MIOS: variants seen among roughly 807,000 people sequenced by gnomAD.
The protein encoded by MIOS is meiosis regulator for oocyte development, also known as GATOR2 complex protein MIOS.
In MIOS, 52 loss-of-function variants were observed where a neutral mutation model predicts 96.9. The ratio of observed to expected loss-of-function variants is 0.54; its 90% CI spans 0.43 to 0.68. The LOEUF (loss-of-function observed/expected upper bound fraction) is 0.68, where lower values mean the gene tolerates loss of function less well. Among genes scored for constraint, MIOS ranks in the 30% least tolerant of loss-of-function variants. The pLI, the probability that MIOS is intolerant of heterozygous loss-of-function variation, is 0.00. For synonymous variants in MIOS, 397 were observed against 359.5 expected (o/e 1.10, Z -1.18); for missense variants, 1,005 against 1,052.8 (o/e 0.95, Z 0.63).
At chr7:7,583,024 A>G (rs1783778856) in intron 5 of MIOS, 94 bp from the exon 6 acceptor site, 1 of 1,300,342 alleles carries the variant, frequency 7.7e-7, no homozygotes, top group Non-Finnish European at 1.0e-6. Context: ...GAAGTTAAAT[A>G]TTCTAAATGT....
intron 11 of MIOS, among the ~76,000 whole-genome samples, chr7:7,599,863 C>T (rs1175690923): frequency 6.6e-6 from 1 of 152,092 alleles, no homozygotes; most frequent in African/African-American, 2.4e-5. Flanking sequence ...TACTATGCAG[C>T]CATGTCTTTT....
intron 11 of MIOS, among the ~76,000 whole-genome samples, chr7:7,597,667 T>TAC (rs1044241982): frequency 4.7e-5 from 7 of 149,796 alleles, no homozygotes; most frequent in South Asian, 2.1e-4. Context: ...TATATACATA[T>TAC]ACACACACAC....
Position 7,578,291 on chromosome 7 carries a change from T to C in MIOS, c.1393+4095T>C, listed in dbSNP as rs941272055. Among the ~76,000 whole-genome samples the C allele has an allele frequency of 5.3e-5, 8 of 152,318 alleles. No homozygotes were observed. The East Asian group carries it at 1.5e-3, about 29-fold the overall frequency. ...CCTGTATAGCAAGTTCACAGTGTTATTAGTAGGTATAATTCCTTCCTTTTA... is the reference window on the plus strand; with the variant it reads ...CCTGTATAGCAAGTTCACAGTGTTACTAGTAGGTATAATTCCTTCCTTTTA... On this transcript the variant is annotated intron_variant, in intron 5 of 12. Transcript: ENST00000340080.
At position 7,572,573 on chromosome 7, in the gene MIOS, C is replaced by G; in HGVS notation, c.98C>G (p.Thr33Ser). 6.2e-7 allele frequency: 1 copy of G among 1,614,042 alleles called. No individual in the cohort carries two copies. The highest frequency in any genetic ancestry group is 8.5e-7 in the Non-Finnish European group (1 of 1,179,952). ...SELSLYHVESTVNSELKAGSL... is the reference protein window; with the variant it reads ...SELSLYHVESSVNSELKAGSL... Reference sequence around the variant, plus strand: ...CTAAGTCTTTATCATGTGGAATCTACTGTGAATTCAGAACTCAAAGCTGGA... The same window carrying G: ...CTAAGTCTTTATCATGTGGAATCTAGTGTGAATTCAGAACTCAAAGCTGGA... Residue 33 changes from threonine (T) to serine (S), a missense_variant, in exon 4 of 13, where the codon ACT (threonine) becomes AGT (serine). Physicochemically the swap from Thr to Ser is moderately conservative, Grantham distance 58 (BLOSUM62 1). Coordinates refer to ENST00000340080, the MANE Select transcript of MIOS (RefSeq NM_019005.4). This position sits in a 1 kb window ranked among gnomAD's most constrained non-coding sequence, Gnocchi z 4.8.
chr7:7,592,939 T>TTCAC (rs752758874), intron 9 of MIOS, among the ~76,000 whole-genome samples: 15 of 152,236 alleles, frequency 9.9e-5, no homozygotes, highest in Non-Finnish European at 1.3e-4. Flanking sequence ...TCCTTATCTC[T>TTCAC]TCACTAATCA....
intron 3 of MIOS, among the ~76,000 whole-genome samples, chr7:7,571,078 G>A (rs563670240): frequency 1.3e-5 from 2 of 152,316 alleles, no homozygotes; most frequent in East Asian, 3.9e-4. Flanking sequence ...ATGGCACTAA[G>A]GATAGAGAGG....
At position 7,573,786 on chromosome 7, in the gene MIOS, G is replaced by C. The variant is rs773856632; in HGVS notation, c.1294+17G>C. ...CTCTGCACTATATCCTTTTCATTGTGAATTTTGTGAGGTGAATCAGGTAGA... is the reference window on the plus strand; with the variant it reads ...CTCTGCACTATATCCTTTTCATTGTCAATTTTGTGAGGTGAATCAGGTAGA... On this transcript the variant is annotated intron_variant, in intron 4 of 12. Coordinates refer to ENST00000340080, the MANE Select transcript of MIOS (RefSeq NM_019005.4). This position sits in a 1 kb window ranked among gnomAD's most constrained non-coding sequence, Gnocchi z 5.0. 4 of 1,545,312 alleles carry C rather than the reference G, an allele frequency of 2.6e-6. No individual in the cohort carries two copies. Among genetic ancestry groups the C allele is most frequent in the African/African-American group, 2.8e-5 (2 of 72,330 alleles).
chr7:7,595,663 T>G (rs1481882369), intron 10 of MIOS, among the ~76,000 whole-genome samples: 1 of 152,210 alleles, frequency 6.6e-6, no homozygotes, highest in African/African-American at 2.4e-5. Flanking sequence ...TGCTATTTTC[T>G]TATTTTAGGA....
intron 5 of MIOS, among the ~76,000 whole-genome samples, chr7:7,582,398 T>A (rs1192334077): frequency 1.3e-5 from 2 of 152,184 alleles, no homozygotes; most frequent in Admixed American, 1.3e-4. Flanking sequence ...TGGCACTAAG[T>A]ATCATCCTAA....
In MIOS at chr7:7,575,818, A is replaced by T. The variant is rs1246850539; in HGVS notation, c.1393+1622A>T. On this transcript the variant is annotated intron_variant, in intron 5 of 12. Coordinates refer to ENST00000340080, the MANE Select transcript of MIOS (RefSeq NM_019005.4). ...GTCAAAATAGTCTCTACCCAGACTA[A>T]AGAAACACTACTGTTGGAAAGATTT... Among the ~76,000 whole-genome samples, 3 of 152,094 alleles carry T rather than the reference A, an allele frequency of 2.0e-5. No homozygotes were observed. The East Asian group carries it at 5.8e-4, about 29-fold the overall frequency.
In MIOS at chr7:7,583,339, CA is replaced by C; in HGVS notation, c.1618del (p.Ile540SerfsTer2). 6.2e-7 allele frequency: 1 copy of C among 1,611,464 alleles called. No homozygotes were observed. The highest frequency in any genetic ancestry group is 8.5e-7 in the Non-Finnish European group (1 of 1,178,386). ...LFNLDIRRAIQILNEGASSEK... is the reference protein window; with the variant it reads ...LFNLDIRRAIXILNEGASSEK... ...CAACTTGGATATTCGCCGAGCAATC[CA>C]AATCCTGAATGAAGGGGCATCTTCT... is the stretch of plus-strand genomic sequence containing the variant. On this transcript the variant is annotated frameshift_variant, in exon 6 of 13. Coordinates refer to ENST00000340080, the MANE Select transcript of MIOS (RefSeq NM_019005.4).
intron 5 of MIOS, among the ~76,000 whole-genome samples, chr7:7,580,972 C>T (rs2115394627): frequency 6.7e-6 from 1 of 149,402 alleles, no homozygotes; most frequent in Admixed American, 6.7e-5. Context: ...CAGGCATGAG[C>T]CACGGTGCCT....
chr7:7,585,089 T>A (rs1783844079), intron 6 of MIOS, among the ~76,000 whole-genome samples: 1 of 152,168 alleles, frequency 6.6e-6, no homozygotes, highest in Admixed American at 6.5e-5. Context: ...GAAAATAAAA[T>A]GATTTTGAAT....
intron 9 of MIOS, among the ~76,000 whole-genome samples, chr7:7,593,933 TAG>T (rs1784128549): frequency 7.7e-6 from 1 of 129,076 alleles, no homozygotes; most frequent in African/African-American, 2.9e-5. Context: ...AAAGCAAGCA[TAG>T]ATGAAATGTG....
chr7:7,585,411 C>T (rs1783853322), intron 6 of MIOS, among the ~76,000 whole-genome samples: 1 of 144,350 alleles, frequency 6.9e-6, no homozygotes, highest in African/African-American at 2.6e-5. Flanking sequence ...AACCCAAACC[C>T]CCCCCTTTTT....
chr7:7,581,977 C>T (rs538349779), intron 5 of MIOS: 14 of 126,100 alleles, frequency 1.1e-4, no homozygotes, highest in Admixed American at 4.1e-4. Flanking sequence ...TCTACCTGTA[C>T]GCAAGGGGAG....
chr7:7,600,604 A>T (rs935282485), intron 11 of MIOS, among the ~76,000 whole-genome samples: 6 of 152,198 alleles, frequency 3.9e-5, no homozygotes, highest in African/African-American at 1.4e-4. Flanking sequence ...TTAGACTCCC[A>T]CACAATAATA....
intron 6 of MIOS, among the ~76,000 whole-genome samples, chr7:7,584,517 C>A (rs2115413010): frequency 6.6e-6 from 1 of 152,188 alleles, no homozygotes; most frequent in Non-Finnish European, 1.5e-5. Flanking sequence ...TTGTTCTATA[C>A]AAAATCCAAA....
intron 5 of MIOS, among the ~76,000 whole-genome samples, chr7:7,574,533 G>A (rs1452439852): frequency 2.0e-5 from 3 of 151,888 alleles, no homozygotes; most frequent in South Asian, 4.2e-4. Flanking sequence ...AGGTTTTATC[G>A]CAACATTTTG....
Sources: allele counts gnomAD v4.1 joint callset (sites outside exome capture counted in the v4.1 genomes callset), GRCh38; gene constraint gnomAD v4.1.1; non-coding constraint Gnocchi (gnomAD v3.1); transcripts MANE v1.5; gene names NCBI Gene and HGNC (gene_info 2026-07-23, HGNC 2026-07-21).